DLG2: variants seen among roughly 807,000 people sequenced by gnomAD.
The protein encoded by DLG2 is disks large homolog 2.
Under a neutral mutation model 132.5 loss-of-function variants are expected in DLG2, and 45 were observed. The ratio of observed to expected loss-of-function variants is 0.34; its 90% CI spans 0.27 to 0.44. The LOEUF is 0.44. DLG2 is among the 20% of genes least tolerant of loss of function. The pLI is 1.00. For missense variants in DLG2, 1,045 were observed against 1,196.9 expected (o/e 0.87, Z 1.87); for synonymous variants, 424 against 419.6 (o/e 1.01, Z -0.13).
At position 84,667,498 on chromosome 11, in the gene DLG2, G is replaced by GTTTTTTTTTTTTTTTTTT. The variant is rs57863742; in HGVS notation, c.358-132768_358-132767insAAAAAAAAAAAAAAAAAA. Among the ~76,000 whole-genome samples, 34 of 122,246 alleles carry GTTTTTTTTTTTTTTTTTT rather than the reference G, an allele frequency of 2.8e-4. 1 individual carries two copies. Among genetic ancestry groups the GTTTTTTTTTTTTTTTTTT allele is most frequent in the South Asian group, 1.1e-3 (4 of 3,766 alleles). 80.2% of individuals were successfully genotyped at this position (122,246 alleles called of 152,430 possible). A position where few individuals can be genotyped will look rare whatever the true frequency, so the allele number is the denominator to read the frequency against. On this transcript the variant is annotated intron_variant, in intron 6 of 27. Coordinates refer to ENST00000376104, the MANE Select transcript of DLG2 (RefSeq NM_001142699.3). ...TTTTTGTTTTTGTTTTTTGTTTTTTGTTTTTTTTTTTTTTTTGAGTCATAG... is the reference window on the plus strand; with the variant it reads ...TTTTTGTTTTTGTTTTTTGTTTTTTGTTTTTTTTTTTTTTTTTTTTTTTTTTTTTTTTTTGAGTCATAG...
intron 8 of DLG2, among the ~76,000 whole-genome samples, chr11:84,215,642 A>C (rs1041124777): frequency 6.6e-6 from 1 of 152,184 alleles, no homozygotes; most frequent in African/African-American, 2.4e-5. Context: ...CCAGATATTG[A>C]GGTGCAGTAA....
intron 22 of DLG2, chr11:83,480,427 A>T (rs1440192912): frequency 6.5e-7 from 1 of 1,534,186 alleles, no homozygotes; most frequent in Non-Finnish European, 8.7e-7. Flanking sequence ...CAAGAACAGC[A>T]CAGCAAATTA....
chr11:84,207,106 T>C (rs1452506970), intron 8 of DLG2, among the ~76,000 whole-genome samples: 1 of 151,848 alleles, frequency 6.6e-6, no homozygotes, highest in Non-Finnish European at 1.5e-5. Context: ...TATGTATATA[T>C]GACTACTCCT....
At chr11:84,805,857 C>G (rs1598517237) in intron 6 of DLG2, among the ~76,000 whole-genome samples, 1 of 151,958 alleles carries the variant, frequency 6.6e-6, no homozygotes, top group Non-Finnish European at 1.5e-5. Context: ...TGAGAATGAA[C>G]TAATACAAAT....
intron 7 of DLG2, among the ~76,000 whole-genome samples, chr11:84,454,334 G>A (rs1455466048): frequency 6.6e-6 from 1 of 151,574 alleles, no homozygotes; most frequent in African/African-American, 2.4e-5. Context: ...ATGGAACTCA[G>A]GAAATTGTCT....
chr11:84,955,037 T>C (rs2051458468), intron 6 of DLG2, among the ~76,000 whole-genome samples: 1 of 152,208 alleles, frequency 6.6e-6, no homozygotes. Context: ...ACAGATAATA[T>C]GTAAATGATA....
intron 16 of DLG2, among the ~76,000 whole-genome samples, chr11:83,867,830 T>G (rs2062684008): frequency 6.6e-6 from 1 of 152,166 alleles, no homozygotes; most frequent in Non-Finnish European, 1.5e-5. Flanking sequence ...TCTCAGCATT[T>G]TTTCAACACT....
chr11:84,169,639 G>A (rs1463210759), intron 8 of DLG2, among the ~76,000 whole-genome samples: 2 of 152,146 alleles, frequency 1.3e-5, no homozygotes, highest in African/African-American at 4.8e-5. Context: ...TTGGGAGGCT[G>A]AGGCAGGTGG....
intron 7 of DLG2, among the ~76,000 whole-genome samples, chr11:84,313,496 GAAAGAA>G (rs1443381309): frequency 1.0e-4 from 12 of 119,578 alleles, no homozygotes; most frequent in South Asian, 3.0e-4. Context: ...AAGAAAGAAA[GAAAGAA>G]AGAGAGAGAG....
At chr11:85,307,567 C>G (rs1306177271) in intron 3 of DLG2, among the ~76,000 whole-genome samples, 1 of 152,164 alleles carries the variant, frequency 6.6e-6, no homozygotes, top group African/African-American at 2.4e-5. Flanking sequence ...TCATTTTTCT[C>G]TAAACCACGA....
rs143093423 is a variant in DLG2, at chr11:83,636,441, CATTTTT to C, written c.1826-3122_1826-3117del. Among the ~76,000 whole-genome samples, 412 of 152,186 alleles carry C rather than the reference CATTTTT, an allele frequency of 2.7e-3. 2 individuals are homozygous for C. Among genetic ancestry groups the C allele is most frequent in the African/African-American group, 9.5e-3 (393 of 41,560 alleles). On this transcript the variant is annotated intron_variant, in intron 18 of 27. Coordinates refer to ENST00000376104, the MANE Select transcript of DLG2 (RefSeq NM_001142699.3). ...TCCAGGTACTGAAATTGTCCATTTT[CATTTTT>C]ATGTTTTTGCAATAAGAAAGATGAA...
chr11:84,649,238 T>C (rs1296866249), intron 6 of DLG2, among the ~76,000 whole-genome samples: 1 of 152,196 alleles, frequency 6.6e-6, no homozygotes, highest in Non-Finnish European at 1.5e-5. Flanking sequence ...GATTCTCTGA[T>C]GAAAGGAACA....
intron 6 of DLG2, among the ~76,000 whole-genome samples, chr11:84,983,014 A>C (rs2154120592): frequency 6.6e-6 from 1 of 152,336 alleles, no homozygotes; most frequent in East Asian, 1.9e-4. Flanking sequence ...GGTTGACTAC[A>C]GGCAAGGATG....
At chr11:85,264,457 G>T (rs1184156691) in intron 4 of DLG2, among the ~76,000 whole-genome samples, 1 of 152,080 alleles carries the variant, frequency 6.6e-6, no homozygotes, top group African/African-American at 2.4e-5. Flanking sequence ...AATATTTAAA[G>T]AACTAAGATG....
rs554606553 is a variant in DLG2 at position 85,070,069 on chromosome 11, C to T, written c.357+41592G>A. ...ATCGCAAGGACAAAAAACCAAACAC[C>T]GCATGTTCTCACTCATAGGTGGGAA... is the stretch of plus-strand genomic sequence containing the variant. On this transcript the variant is annotated intron_variant, in intron 6 of 27. Coordinates refer to ENST00000376104, the MANE Select transcript of DLG2 (RefSeq NM_001142699.3). Among the ~76,000 whole-genome samples, 361 of 151,850 alleles carry T rather than the reference C, an allele frequency of 2.4e-3. 1 individual carries two copies. Among genetic ancestry groups the T allele is most frequent in the African/African-American group, 8.3e-3 (343 of 41,398 alleles).
intron 18 of DLG2, among the ~76,000 whole-genome samples, chr11:83,761,289 T>C (rs996616082): frequency 6.6e-6 from 1 of 152,228 alleles, no homozygotes. Context: ...CCATACTTAA[T>C]AGTCCTGGAG....
chr11:84,247,935 T>C (rs1183753913), intron 8 of DLG2, among the ~76,000 whole-genome samples: 1 of 152,202 alleles, frequency 6.6e-6, no homozygotes, highest in Non-Finnish European at 1.5e-5. Flanking sequence ...GGCATTCTGA[T>C]AATATTTTTA....
intron 19 of DLG2, among the ~76,000 whole-genome samples, chr11:83,565,416 A>T (rs912386278): frequency 6.6e-6 from 1 of 152,228 alleles, no homozygotes; most frequent in Admixed American, 6.5e-5. Flanking sequence ...AGGATAATAT[A>T]ACAGTATCTT....
At chr11:84,759,840 T>A (rs1340486874) in intron 6 of DLG2, among the ~76,000 whole-genome samples, 2 of 152,070 alleles carry the variant, frequency 1.3e-5, no homozygotes, top group Non-Finnish European at 2.9e-5. Flanking sequence ...CTTGAAAAAA[T>A]TTATACATAG....
Sources: allele counts gnomAD v4.1 joint callset (sites outside exome capture counted in the v4.1 genomes callset), GRCh38; gene constraint gnomAD v4.1.1; transcripts MANE v1.5; gene names NCBI Gene and HGNC (gene_info 2026-07-23, HGNC 2026-07-21).